The following TBL1XR1 variants were observed in gnomAD, a reference collection of about 807,000 sequenced individuals.
The protein encoded by TBL1XR1 is F-box-like/WD repeat-containing protein TBL1XR1.
A neutral mutation model predicts 66.9 loss-of-function variants in TBL1XR1; 5 were observed. That is an observed-to-expected ratio of 0.07 (90% CI 0.04 to 0.16). The LOEUF is 0.16. Ranked by LOEUF, TBL1XR1 falls within the 10% of genes least tolerant of loss-of-function variation. The pLI is 1.00. For synonymous variants in TBL1XR1, 210 were observed against 206.0 expected (o/e 1.02, Z -0.17); for missense variants, 238 against 623.2 (o/e 0.38, Z 6.58).
At chr3:177,113,398 T>C (rs1169486201) in intron 1 of TBL1XR1, among the ~76,000 whole-genome samples, 1 of 152,098 alleles carries the variant, frequency 6.6e-6, no homozygotes, top group African/African-American at 2.4e-5. Context: ...CAAAACCTTC[T>C]GCACAGCAAA....
At chr3:177,032,008 T>A (rs1024780066) in intron 14 of TBL1XR1, among the ~76,000 whole-genome samples, 3 of 152,080 alleles carry the variant, frequency 2.0e-5, no homozygotes, top group African/African-American at 4.8e-5. Flanking sequence ...AAAAAAAGAT[T>A]CCTAATGTCA....
At chr3:177,119,217 C>T (rs750606173) in intron 1 of TBL1XR1, among the ~76,000 whole-genome samples, 1 of 152,194 alleles carries the variant, frequency 6.6e-6, no homozygotes, top group Non-Finnish European at 1.5e-5. Context: ...AGGTGATCCA[C>T]CCACCTCAGC....
At position 177,156,549 on chromosome 3, in the gene TBL1XR1, T is replaced by TTA. The variant is rs1171549240; in HGVS notation, c.-122+40570_-122+40571dup. 1.9e-3 allele frequency among the ~76,000 whole-genome samples: 235 copies of TTA among 120,606 alleles called. 3 individuals carry two copies. Among genetic ancestry groups the TTA allele is most frequent in the South Asian group, 0.019 (67 of 3,584 alleles). 79.1% of individuals were successfully genotyped at this position (120,606 alleles called of 152,430 possible). On this transcript the variant is annotated intron_variant, in intron 1 of 15. Coordinates refer to ENST00000457928, the MANE Select transcript of TBL1XR1 (RefSeq NM_024665.7). ...CACACACACACACACACACACACAC[T>TTA]TATATATATATACACACACATACAT...
intron 1 of TBL1XR1, among the ~76,000 whole-genome samples, chr3:177,147,013 A>G (rs1730337487): frequency 6.6e-6 from 1 of 151,218 alleles, no homozygotes; most frequent in African/African-American, 2.4e-5. Context: ...TTAGATTAAT[A>G]CTTTTTACTG....
At chr3:177,104,325 A>G (rs1271821512) in intron 1 of TBL1XR1, among the ~76,000 whole-genome samples, 2 of 152,162 alleles carry the variant, frequency 1.3e-5, no homozygotes, top group Non-Finnish European at 2.9e-5. Flanking sequence ...ACATATTTGT[A>G]AATCAGAGTT....
At chr3:177,083,908 T>C (rs1560155461) in intron 2 of TBL1XR1, among the ~76,000 whole-genome samples, 3 of 151,628 alleles carry the variant, frequency 2.0e-5, no homozygotes, top group African/African-American at 7.3e-5. Context: ...GCCAACATGA[T>C]GAAACCCCAT....
At chr3:177,165,398 T>C (rs1732705789) in intron 1 of TBL1XR1, among the ~76,000 whole-genome samples, 2 of 152,206 alleles carry the variant, frequency 1.3e-5, no homozygotes, top group South Asian at 4.1e-4. Context: ...GACTCAATAC[T>C]GTCAAGATGT....
chr3:177,128,528 C>T (rs898373476), intron 1 of TBL1XR1, among the ~76,000 whole-genome samples: 5 of 152,132 alleles, frequency 3.3e-5, no homozygotes, highest in Non-Finnish European at 7.3e-5. Context: ...TGCATCCCAC[C>T]ACGCCTGGTT....
chr3:177,178,947 G>A (rs1734473666), intron 1 of TBL1XR1, among the ~76,000 whole-genome samples: 1 of 151,702 alleles, frequency 6.6e-6, no homozygotes, highest in South Asian at 2.1e-4. Flanking sequence ...GTGAAACCCC[G>A]TTCTACTAAA....
intron 1 of TBL1XR1, among the ~76,000 whole-genome samples, chr3:177,114,564 G>A (rs1272224101): frequency 6.6e-6 from 1 of 151,822 alleles, no homozygotes; most frequent in Non-Finnish European, 1.5e-5. Context: ...GCCTCCTGAA[G>A]TGCTGGGATT....
intron 1 of TBL1XR1, among the ~76,000 whole-genome samples, chr3:177,194,434 ATTC>A (rs748018081): frequency 4.6e-5 from 7 of 152,274 alleles, no homozygotes; most frequent in South Asian, 2.1e-4. Context: ...TACCATTCAC[ATTC>A]TTCTTTATTC....
chr3:177,127,635 G>T (rs895701707), intron 1 of TBL1XR1, among the ~76,000 whole-genome samples: 5 of 152,076 alleles, frequency 3.3e-5, no homozygotes, highest in Middle Eastern at 3.2e-3. Flanking sequence ...ACAAGAAAAG[G>T]GTATCAAACA....
chr3:177,148,816 C>A (rs1730543713), intron 1 of TBL1XR1, among the ~76,000 whole-genome samples: 1 of 152,020 alleles, frequency 6.6e-6, no homozygotes, highest in African/African-American at 2.4e-5. Context: ...ACCAGCCTGG[C>A]AAACATGGAG....
chr3:177,118,816 C>A (rs974712511), intron 1 of TBL1XR1, among the ~76,000 whole-genome samples: 4 of 80,988 alleles, frequency 4.9e-5, no homozygotes, highest in East Asian at 8.0e-4. Flanking sequence ...TCAAACTGAA[C>A]TTTTATAAAA....
intron 1 of TBL1XR1, among the ~76,000 whole-genome samples, chr3:177,179,387 G>T (rs575205732): frequency 6.6e-6 from 1 of 152,118 alleles, no homozygotes; most frequent in Non-Finnish European, 1.5e-5. Context: ...CATAATTCTC[G>T]TATTTACCAA....
chr3:177,035,861 G>A (rs1371844727), intron 12 of TBL1XR1, among the ~76,000 whole-genome samples: 3 of 152,114 alleles, frequency 2.0e-5, no homozygotes, highest in Non-Finnish European at 2.9e-5. Context: ...AAACAGTTGC[G>A]ACCATGGCCC....
intron 2 of TBL1XR1, among the ~76,000 whole-genome samples, chr3:177,086,584 T>C (rs1722150122): frequency 6.6e-6 from 1 of 152,172 alleles, no homozygotes; most frequent in African/African-American, 2.4e-5. Context: ...GAAATAAATT[T>C]TCATCTCTCT....
intron 1 of TBL1XR1, among the ~76,000 whole-genome samples, chr3:177,188,922 T>C (rs1300722987): frequency 6.6e-6 from 1 of 152,128 alleles, no homozygotes; most frequent in Non-Finnish European, 1.5e-5. Flanking sequence ...ATATTAAAAA[T>C]TTTGGGCGGG....
At chr3:177,114,118 G>T (rs752099623) in intron 1 of TBL1XR1, among the ~76,000 whole-genome samples, 2 of 151,952 alleles carry the variant, frequency 1.3e-5, no homozygotes, top group African/African-American at 2.4e-5. Context: ...ATGTAGAGTA[G>T]ATGTTATGTG....
Sources: gnomAD v4.1 joint callset for allele counts (sites outside exome capture counted in the v4.1 genomes callset) on GRCh38, gnomAD v4.1.1 for gene constraint, MANE v1.5 for transcripts, NCBI Gene and HGNC (gene_info 2026-07-23, HGNC 2026-07-21) for gene names.